The following SGMS1 variants were observed in gnomAD, a reference collection of about 807,000 sequenced individuals.
SGMS1 encodes the protein phosphatidylcholine:ceramide cholinephosphotransferase 1.
Under a neutral mutation model 46.2 loss-of-function variants are expected in SGMS1, and 13 were observed. That is an observed-to-expected ratio of 0.28 (90% confidence interval 0.18 to 0.45). The LOEUF (loss-of-function observed/expected upper bound fraction) is 0.45, where lower values mean the gene tolerates loss of function less well. SGMS1 is among the 20% of genes least tolerant of loss of function. The probability of loss-of-function intolerance (pLI) is 1.00; values close to 1 mark genes in which losing one functional copy is unlikely to be tolerated. For missense variants in SGMS1, 324 were observed against 519.9 expected, an observed-to-expected ratio of 0.62 and a Z score of 3.66; for synonymous variants, 203 against 187.8, an observed-to-expected ratio of 1.08 and a Z score of -0.66.
chr10:50,336,588 T>TA (rs1255954631), intron 7 of SGMS1, among the ~76,000 whole-genome samples: 1 of 152,122 alleles, frequency 6.6e-6, no homozygotes, highest in Non-Finnish European at 1.5e-5. Context: ...AATATATAAT[T>TA]AAAAAACTGA....
At position 50,441,525 on chromosome 10, in the gene SGMS1, A is replaced by C. The variant is rs116159686; in HGVS notation, c.-312-7969T>G. ...AAGGTAAATATTTCTTTTACAAAAA[A>C]AAGGAAACCAAAACTCAAAGGTATG... is the stretch of plus-strand genomic sequence containing the variant. On this transcript the variant is annotated intron_variant, in intron 5 of 10. Coordinates refer to ENST00000361781, the MANE Select transcript of SGMS1 (RefSeq NM_147156.4). 9.6e-3 allele frequency among the ~76,000 whole-genome samples: 1,456 copies of C among 152,360 alleles called. 27 individuals are homozygous for C. Among genetic ancestry groups the C allele is most frequent in the African/African-American group, 0.033 (1,391 of 41,576 alleles).
At chr10:50,605,836 T>C (rs1838689447) in intron 1 of SGMS1, among the ~76,000 whole-genome samples, 1 of 152,108 alleles carries the variant, frequency 6.6e-6, no homozygotes, top group South Asian at 2.1e-4. Context: ...GCTTTTAGGG[T>C]ATCCATCCCT....
At chr10:50,387,411 G>T (rs1848698399) in intron 6 of SGMS1, among the ~76,000 whole-genome samples, 1 of 152,178 alleles carries the variant, frequency 6.6e-6, no homozygotes, top group African/African-American at 2.4e-5. Flanking sequence ...ATTTATATGT[G>T]TTTGTGTGGA....
chr10:50,527,847 G>A (rs142021507), intron 2 of SGMS1, among the ~76,000 whole-genome samples: 49 of 152,244 alleles, frequency 3.2e-4, no homozygotes, highest in African/African-American at 1.1e-3. Context: ...CTAAGAATAT[G>A]GGCTTAGAAG....
In SGMS1 at chr10:50,305,861, T is replaced by TA. The variant is rs1276382023; in HGVS notation, c.*1280dup. The TA allele has an allele frequency of 6.5e-6, 1 of 152,724 alleles. No individual in the cohort carries two copies. Among genetic ancestry groups the TA allele is most frequent in the African/African-American group, 2.4e-5 (1 of 41,464 alleles). 9.5% of individuals were successfully genotyped at this position (152,724 alleles called of 1,614,324 possible). ...ATGGATATATATACTTCTTCATTCT[T>TA]AAAAAACTATTTTGTTCTCCACATT... On this transcript the variant is annotated 3_prime_UTR_variant, in exon 11 of 11. Coordinates refer to ENST00000361781, the MANE Select transcript of SGMS1 (RefSeq NM_147156.4).
At chr10:50,312,525 A>G in intron 8 of SGMS1, among the ~76,000 whole-genome samples, 1 of 152,126 alleles carries the variant, frequency 6.6e-6, no homozygotes, top group East Asian at 1.9e-4. Context: ...GAGATTAAAA[A>G]CAAGCTTTAC....
At chr10:50,497,402 C>A (rs1439553510) in intron 3 of SGMS1, among the ~76,000 whole-genome samples, 1 of 152,190 alleles carries the variant, frequency 6.6e-6, no homozygotes, top group Non-Finnish European at 1.5e-5. Flanking sequence ...ACATGACAAA[C>A]AAGCTTCAGT....
chr10:50,573,659 A>G (rs1455832617), intron 2 of SGMS1, among the ~76,000 whole-genome samples: 9 of 152,218 alleles, frequency 5.9e-5, no homozygotes, highest in Non-Finnish European at 1.5e-5. Flanking sequence ...GAATAGAAAG[A>G]CAAAAATCCT....
At chr10:50,540,022 T>G (rs1462206891) in intron 2 of SGMS1, among the ~76,000 whole-genome samples, 1 of 152,222 alleles carries the variant, frequency 6.6e-6, no homozygotes, top group African/African-American at 2.4e-5. Context: ...ACCTTATATT[T>G]GAATATGCTC....
intron 3 of SGMS1, among the ~76,000 whole-genome samples, chr10:50,491,660 T>C (rs180679084): frequency 9.9e-5 from 15 of 152,162 alleles, no homozygotes. Flanking sequence ...AACTCTGAGA[T>C]TGAAGCAGTA....
At chr10:50,558,403 T>C (rs1311002986) in intron 2 of SGMS1, among the ~76,000 whole-genome samples, 1 of 152,168 alleles carries the variant, frequency 6.6e-6, no homozygotes, top group Admixed American at 6.5e-5. Flanking sequence ...ATTTCTGCCA[T>C]AAAAAGTGAA....
At chr10:50,580,431 C>CG (rs1564436783) in intron 2 of SGMS1, among the ~76,000 whole-genome samples, 1 of 151,528 alleles carries the variant, frequency 6.6e-6, no homozygotes, top group African/African-American at 2.4e-5. Context: ...GGGACCCCCC[C>CG]CCAAACCCCT....
At chr10:50,588,193 GAAGAACCT>G (rs1838505137) in intron 2 of SGMS1, among the ~76,000 whole-genome samples, 1 of 152,162 alleles carries the variant, frequency 6.6e-6, no homozygotes, top group South Asian at 2.1e-4. Context: ...AGTATCTTTT[GAAGAACCT>G]TTACTGCTAT....
intron 3 of SGMS1, among the ~76,000 whole-genome samples, chr10:50,511,268 C>CAG (rs60567885): frequency 0.18 from 26,627 of 151,686 alleles, 2,591 homozygotes; most frequent in Admixed American, 0.23. Context: ...CACACACACA[C>CAG]ACACACACAC....
chr10:50,551,523 CTT>C (rs759137808), intron 2 of SGMS1, among the ~76,000 whole-genome samples: 5 of 151,132 alleles, frequency 3.3e-5, no homozygotes, highest in South Asian at 2.1e-4. Context: ...AAAATTATGA[CTT>C]GAGTTAATAA....
Position 50,472,543 on chromosome 10 carries a change from G to A in SGMS1, c.-497-5611C>T, listed in dbSNP as rs138787574. Among the ~76,000 whole-genome samples the A allele has an allele frequency of 4.4e-3, 676 of 152,198 alleles. 2 individuals carry two copies. The highest frequency in any genetic ancestry group is 0.019 in the South Asian group (94 of 4,824). ...AAGGGTGAATAGTATTGCATAGTGTGTATATGCCATATTTTCTTTATCCAT... is the reference window on the plus strand; with the variant it reads ...AAGGGTGAATAGTATTGCATAGTGTATATATGCCATATTTTCTTTATCCAT... On this transcript the variant is annotated intron_variant, in intron 3 of 10. Coordinates refer to ENST00000361781, the MANE Select transcript of SGMS1 (RefSeq NM_147156.4).
At chr10:50,395,708 T>G (rs952992562) in intron 6 of SGMS1, among the ~76,000 whole-genome samples, 1 of 152,222 alleles carries the variant, frequency 6.6e-6, no homozygotes, top group Non-Finnish European at 1.5e-5. Flanking sequence ...AACTTTAATA[T>G]TCTTACGAGG....
intron 9 of SGMS1, among the ~76,000 whole-genome samples, chr10:50,309,564 T>A (rs146075547): frequency 0.018 from 2,786 of 152,194 alleles, 43 homozygotes; most frequent in Non-Finnish European, 0.027. Flanking sequence ...CCCCCAGGGG[T>A]GCTGACATCT....
chr10:50,440,983 A>G (rs1262860586), intron 5 of SGMS1, among the ~76,000 whole-genome samples: 1 of 152,214 alleles, frequency 6.6e-6, no homozygotes, highest in Non-Finnish European at 1.5e-5. Context: ...GCATGTTAAC[A>G]TTACTATCCT....
Sources: allele counts gnomAD v4.1 joint callset (sites outside exome capture counted in the v4.1 genomes callset), GRCh38; gene constraint gnomAD v4.1.1; transcripts MANE v1.5; gene names NCBI Gene and HGNC (gene_info 2026-07-23, HGNC 2026-07-21).